CLEC2A: variants seen among roughly 807,000 people sequenced by gnomAD.
CLEC2A encodes the protein keratinocyte-associated C-type lectin.
A neutral mutation model predicts 18.6 loss-of-function variants in CLEC2A; 19 were observed. The observed-to-expected ratio is 1.02, with a 90% CI of 0.71 to 1.50. The LOEUF (loss-of-function observed/expected upper bound fraction) is 1.50, where lower values mean the gene tolerates loss of function less well. CLEC2A is among the 40% of genes most tolerant of loss of function. The pLI, the probability that CLEC2A is intolerant of heterozygous loss-of-function variation, is 0.00. For synonymous variants in CLEC2A, 74 were observed against 64.0 expected, an observed-to-expected ratio of 1.16 and a Z score of -0.75; for missense variants, 190 against 207.9, an observed-to-expected ratio of 0.91 and a Z score of 0.53.
chr12:9,922,889 T>C (rs1483081512), intron 2 of CLEC2A, among the ~76,000 whole-genome samples: 1 of 152,160 alleles, frequency 6.6e-6, no homozygotes, highest in African/African-American at 2.4e-5. Context: ...TAGGGCAAAC[T>C]CCAAAGGCTG....
chr12:9,908,294 T>G (rs928982270), downstream of CLEC2A, among the ~76,000 whole-genome samples: 1 of 152,240 alleles, frequency 6.6e-6, no homozygotes, highest in Non-Finnish European at 1.5e-5. Flanking sequence ...GGAATCCCTC[T>G]GGGCCAACAT....
intron 2 of CLEC2A, among the ~76,000 whole-genome samples, chr12:9,923,588 G>A (rs976663668): frequency 9.9e-5 from 15 of 152,176 alleles, no homozygotes; most frequent in South Asian, 4.1e-4. Context: ...GTATATACCC[G>A]AAGGATTATA....
At chr12:9,894,126 T>TTCTCTCTCTCTCTCTCTCTCTCTCTCTC (rs141327204), downstream of CLEC2A, among the ~76,000 whole-genome samples, 7 of 130,198 alleles carry the variant, frequency 5.4e-5, no homozygotes, top group African/African-American at 1.5e-4. Context: ...TTTCTTTTCT[T>TTCTCTCTCTCTCTCTCTCTCTCTCTCTC]TCTCTCTCTC....
At chr12:9,913,029 A>C (rs1863011239), downstream of CLEC2A, among the ~76,000 whole-genome samples, 2 of 152,216 alleles carry the variant, frequency 1.3e-5, no homozygotes, top group Admixed American at 6.5e-5. Flanking sequence ...TGAATGCCCT[A>C]TAGAATTTAA....
chr12:9,926,433 A>T, intron 1 of CLEC2A, 90 bp from the exon 2 acceptor site: 1 of 797,430 alleles, frequency 1.3e-6, no homozygotes, highest in Non-Finnish European at 2.1e-6. Context: ...ATAATTGTTA[A>T]TCAGGAAACC....
At chr12:9,907,543 C>T (rs112903828) in intron 4 of CLEC2A, among the ~76,000 whole-genome samples, 10 of 152,230 alleles carry the variant, frequency 6.6e-5, no homozygotes, top group Middle Eastern at 3.4e-3. Context: ...TGTAACTTCA[C>T]GTTCTACAAA....
At chr12:9,898,385 A>T (rs149353405), downstream of CLEC2A, among the ~76,000 whole-genome samples, 1 of 152,078 alleles carries the variant, frequency 6.6e-6, no homozygotes, top group Non-Finnish European at 1.5e-5. Context: ...CCCCTCATCC[A>T]TTGCTTTCTT....
rs901922965 is a variant in CLEC2A at position 9,920,036 on chromosome 12, T to A, written c.306+2030A>T. ...GACTCTCCAAAGCCTGAAGGCTGGA[T>A]GGCTAAGTCACCCAAACAGCAAAGA... On this transcript the variant is annotated intron_variant, in intron 3 of 4. Coordinates refer to ENST00000455827, the MANE Select transcript of CLEC2A (RefSeq NM_001130711.2). 2.6e-5 allele frequency among the ~76,000 whole-genome samples: 4 copies of A among 152,204 alleles called. No individual in the cohort carries two copies. The South Asian group carries it at 8.3e-4, about 32-fold the overall frequency.
chr12:9,880,983 G>A, the CLEC2A span, among the ~76,000 whole-genome samples: 5 of 152,082 alleles, frequency 3.3e-5, no homozygotes, highest in African/African-American at 7.2e-5. Flanking sequence ...TCTGCCTGGC[G>A]TTTTCTGAAA....
the CLEC2A span, among the ~76,000 whole-genome samples, chr12:9,888,280 G>T: frequency 6.6e-6 from 1 of 151,676 alleles, no homozygotes; most frequent in African/African-American, 2.4e-5. Context: ...CACGAGGTCA[G>T]GAGATCGAGA....
At chr12:9,885,103 C>T in the CLEC2A span, 1 of 468,994 alleles carries the variant, frequency 2.1e-6, no homozygotes, top group Non-Finnish European at 3.4e-6. Flanking sequence ...CCTCTTAATG[C>T]CAAGATAAAC....
chr12:9,904,594 C>T (rs1316749655), intron 4 of CLEC2A, among the ~76,000 whole-genome samples: 8 of 152,086 alleles, frequency 5.3e-5, no homozygotes, highest in African/African-American at 1.2e-4. Flanking sequence ...ACATGTTCTC[C>T]AGACTCTGGG....
chr12:9,901,057 A>T (rs1565526289), intron 4 of CLEC2A, among the ~76,000 whole-genome samples: 1 of 152,240 alleles, frequency 6.6e-6, no homozygotes, highest in Non-Finnish European at 1.5e-5. Context: ...GCCGTAAATA[A>T]TTCAAAATAA....
At chr12:9,887,785 C>T in the CLEC2A span, among the ~76,000 whole-genome samples, 2 of 148,024 alleles carry the variant, frequency 1.4e-5, no homozygotes, top group African/African-American at 5.0e-5. Flanking sequence ...GGCGTTGGAG[C>T]TCATGCCTGT....
chr12:9,890,145 A>G, the CLEC2A span, among the ~76,000 whole-genome samples: 1 of 152,212 alleles, frequency 6.6e-6, no homozygotes, highest in Non-Finnish European at 1.5e-5. Context: ...GAATATTTAA[A>G]TACTTCAATA....
At chr12:9,901,267 T>A (rs1862825388) in intron 4 of CLEC2A, among the ~76,000 whole-genome samples, 1 of 152,232 alleles carries the variant, frequency 6.6e-6, no homozygotes, top group Non-Finnish European at 1.5e-5. Flanking sequence ...GATCTGTATT[T>A]AAGAGCACTT....
At chr12:9,903,618 T>C (rs1862866097) in intron 4 of CLEC2A, among the ~76,000 whole-genome samples, 1 of 152,234 alleles carries the variant, frequency 6.6e-6, no homozygotes, top group Admixed American at 6.5e-5. Flanking sequence ...TAGTATCATA[T>C]CTAATGTTAT....
At chr12:9,894,287 C>G (rs938499902), downstream of CLEC2A, among the ~76,000 whole-genome samples, 1 of 151,574 alleles carries the variant, frequency 6.6e-6, no homozygotes, top group Non-Finnish European at 1.5e-5. Context: ...GCTCAAGCAA[C>G]TCTCCCACTT....
intron 1 of CLEC2A, among the ~76,000 whole-genome samples, chr12:9,930,070 C>A (rs1565536993): frequency 6.6e-6 from 1 of 152,086 alleles, no homozygotes; most frequent in Non-Finnish European, 1.5e-5. Flanking sequence ...GTTCTGGAGA[C>A]AAGAAGTCTG....
Sources: allele counts gnomAD v4.1 joint callset (sites outside exome capture counted in the v4.1 genomes callset), GRCh38; gene constraint gnomAD v4.1.1; transcripts MANE v1.5; gene names NCBI Gene and HGNC (gene_info 2026-07-23, HGNC 2026-07-21).